SAMD3: variants seen among roughly 807,000 people sequenced by gnomAD.
SAMD3 encodes the protein sterile alpha motif domain-containing protein 3.
In SAMD3, 63 loss-of-function variants were observed where a neutral mutation model predicts 58.5. The observed-to-expected ratio is 1.08, with a 90% CI of 0.88 to 1.33. The LOEUF is 1.33. Among genes scored for constraint, SAMD3 ranks in the 40% most tolerant of loss-of-function variants. The pLI, the probability that SAMD3 is intolerant of heterozygous loss-of-function variation, is 0.00. For missense variants in SAMD3, 604 were observed against 608.4 expected (o/e 0.99, Z 0.08); for synonymous variants, 220 against 210.3 (o/e 1.05, Z -0.40).
rs1205628205 is a variant in SAMD3 at position 130,209,565 on chromosome 6, G to A, written c.313C>T (p.Gln105Ter). Residue 105 changes from glutamine to a stop codon, truncating the protein, a stop_gained, in exon 5 of 12, where the codon CAG becomes TAG. Coordinates refer to ENST00000439090, the MANE Select transcript of SAMD3 (RefSeq NM_001017373.4). LOFTEE classifies it high-confidence loss of function. ...ESSSPARHGE[Q>*]MPSFYPAENL... ...TCAGCTGGATAGAAAGATGGCATCTGCTCCCCATGCCTGGCTGGACTGGAG... is the reference window on the plus strand; with the variant it reads ...TCAGCTGGATAGAAAGATGGCATCTACTCCCCATGCCTGGCTGGACTGGAG... 3 of 1,613,668 alleles carry A rather than the reference G, an allele frequency of 1.9e-6. No homozygotes were observed. The highest frequency in any genetic ancestry group is 1.3e-5 in the African/African-American group (1 of 74,916).
chr6:130,244,743 AAAAATAAAAAT>A (rs1355545161), intron 2 of SAMD3, among the ~76,000 whole-genome samples: 43 of 49,756 alleles, frequency 8.6e-4, no homozygotes, highest in African/African-American at 4.5e-3. Context: ...GTCTCAAAAA[AAAAATAAAAAT>A]AAAAATAAAA....
chr6:130,290,396 T>C (rs1166437335), intron 2 of SAMD3, among the ~76,000 whole-genome samples: 1 of 152,332 alleles, frequency 6.6e-6, no homozygotes, highest in East Asian at 1.9e-4. Flanking sequence ...TTGCTCTTAA[T>C]GGCTTTGATT....
At chr6:130,248,217 A>G (rs981580710) in intron 2 of SAMD3, among the ~76,000 whole-genome samples, 1 of 146,374 alleles carries the variant, frequency 6.8e-6, no homozygotes, top group Non-Finnish European at 1.5e-5. Flanking sequence ...TGTGTGTTCC[A>G]ATCTGAAAAG....
At chr6:130,265,686 A>G (rs1774319546) in intron 2 of SAMD3, among the ~76,000 whole-genome samples, 1 of 152,162 alleles carries the variant, frequency 6.6e-6, no homozygotes, top group South Asian at 2.1e-4. Context: ...TGAGCCTCCC[A>G]TGACCACAGT....
chr6:130,235,298 A>G (rs1773108141), intron 2 of SAMD3, among the ~76,000 whole-genome samples: 1 of 152,168 alleles, frequency 6.6e-6, no homozygotes, highest in Non-Finnish European at 1.5e-5. Flanking sequence ...ATTCAACTCT[A>G]AGGTAAAACT....
At chr6:130,159,192 G>GTTCTC (rs1214991062) in intron 8 of SAMD3, among the ~76,000 whole-genome samples, 1 of 152,136 alleles carries the variant, frequency 6.6e-6, no homozygotes, top group Non-Finnish European at 1.5e-5. Context: ...TGTTCTCATG[G>GTTCTC]TAGTGAATGG....
At chr6:130,267,564 A>G (rs2114931795) in intron 2 of SAMD3, among the ~76,000 whole-genome samples, 1 of 152,294 alleles carries the variant, frequency 6.6e-6, no homozygotes, top group East Asian at 1.9e-4. Flanking sequence ...CAGAAAAGGA[A>G]AGAGAAGCAA....
intron 8 of SAMD3, among the ~76,000 whole-genome samples, chr6:130,173,759 G>A (rs1791457018): frequency 6.6e-6 from 1 of 152,256 alleles, no homozygotes; most frequent in Non-Finnish European, 1.5e-5. Flanking sequence ...AGAGCCAGCA[G>A]GCAGGAAGGA....
chr6:130,302,618 A>G (rs192064719), intron 2 of SAMD3, among the ~76,000 whole-genome samples: 47 of 152,314 alleles, frequency 3.1e-4, no homozygotes, highest in Middle Eastern at 3.4e-3. Flanking sequence ...TCAAAAAGAC[A>G]CCTGCACTTG....
chr6:130,363,466 T>G (rs1480438220), intron 1 of SAMD3, among the ~76,000 whole-genome samples: 1 of 152,228 alleles, frequency 6.6e-6, no homozygotes, highest in Non-Finnish European at 1.5e-5. Context: ...TTTTTTCATG[T>G]TAATTCTTGA....
chr6:130,179,010 G>A (rs1243288163), intron 7 of SAMD3, among the ~76,000 whole-genome samples: 1 of 151,692 alleles, frequency 6.6e-6, no homozygotes, highest in African/African-American at 2.4e-5. Context: ...CATGAAATAT[G>A]AACTAAAGCA....
At chr6:130,260,410 G>C (rs949849452) in intron 2 of SAMD3, among the ~76,000 whole-genome samples, 1 of 152,154 alleles carries the variant, frequency 6.6e-6, no homozygotes, top group Non-Finnish European at 1.5e-5. Flanking sequence ...CCCCTGTCAC[G>C]TACCTCTTGC....
intron 8 of SAMD3, among the ~76,000 whole-genome samples, chr6:130,172,340 G>A (rs567794228): frequency 3.3e-5 from 5 of 152,160 alleles, no homozygotes; most frequent in Non-Finnish European, 7.3e-5. Context: ...GCAGTGGCTG[G>A]TACCAGTTTT....
At chr6:130,156,960 C>T (rs1324258338) in intron 8 of SAMD3, among the ~76,000 whole-genome samples, 1 of 151,992 alleles carries the variant, frequency 6.6e-6, no homozygotes, top group African/African-American at 2.4e-5. Flanking sequence ...ATCCCAGCTA[C>T]CCGGGGGACT....
At position 130,153,649 on chromosome 6, in the gene SAMD3, T is replaced by C. The variant is rs541666085; in HGVS notation, c.1023+1176A>G. On this transcript the variant is annotated intron_variant, in intron 9 of 11. Coordinates refer to ENST00000439090, the MANE Select transcript of SAMD3 (RefSeq NM_001017373.4). The stretch of plus-strand genomic sequence containing the variant: ...TGATTGATTTACCCATTAAATTTCA[T>C]ATATATATATATATATTTATTTATT... Among the ~76,000 whole-genome samples the C allele has an allele frequency of 5.5e-3, 482 of 87,404 alleles. 10 individuals carry two copies. Among genetic ancestry groups the C allele is most frequent in the African/African-American group, 0.015 (444 of 29,304 alleles). 57.3% of individuals were successfully genotyped at this position (87,404 alleles called of 152,430 possible).
chr6:130,250,807 T>G (rs12190589), intron 2 of SAMD3, among the ~76,000 whole-genome samples: 1 of 152,044 alleles, frequency 6.6e-6, no homozygotes, highest in Admixed American at 6.6e-5. Context: ...TTCCATCGTA[T>G]TAACATACCA....
chr6:130,242,495 CA>C (rs1274384211), intron 2 of SAMD3, among the ~76,000 whole-genome samples: 1 of 152,122 alleles, frequency 6.6e-6, no homozygotes, highest in African/African-American at 2.4e-5. Context: ...GTAAACAAGA[CA>C]TTTTGGATAG....
intron 2 of SAMD3, among the ~76,000 whole-genome samples, chr6:130,311,411 C>T (rs1336933256): frequency 6.6e-6 from 1 of 152,158 alleles, no homozygotes; most frequent in Non-Finnish European, 1.5e-5. Context: ...GTCGCTGTTG[C>T]AGACACTCTC....
rs755821130 is a variant in SAMD3 at position 130,215,249 on chromosome 6, C to G, written c.25G>C (p.Val9Leu). METWSVEQVCSWLVEKNLG... is the reference protein window; with the variant it reads METWSVEQLCSWLVEKNLG... ...TTTTTCTCCACCAACCAACTGCAGACCTGCTCAACTGACCAGGTTTCCATT... is the reference window on the plus strand; with the variant it reads ...TTTTTCTCCACCAACCAACTGCAGAGCTGCTCAACTGACCAGGTTTCCATT... The change falls in exon 3 of 12, where the codon GTC becomes CTC. Residue 9 changes from valine to leucine, a missense_variant. Transcript: ENST00000439090. 6.2e-7 allele frequency: 1 copy of G among 1,611,042 alleles called. No homozygotes were observed. The highest frequency in any genetic ancestry group is 8.5e-7 in the Non-Finnish European group (1 of 1,178,068).
Sources: gnomAD v4.1 joint callset for allele counts (sites outside exome capture counted in the v4.1 genomes callset) on GRCh38, gnomAD v4.1.1 for gene constraint, MANE v1.5 for transcripts, NCBI Gene and HGNC (gene_info 2026-07-23, HGNC 2026-07-21) for gene names.